Variants in FOXP1 observed in about 807,000 individuals in gnomAD.
FOXP1 encodes forkhead box protein P1.
FOXP1 carries 15 observed loss-of-function variants against 98.2 expected under a neutral mutation model. The observed-to-expected ratio is 0.15, with a 90% CI of 0.10 to 0.24. The LOEUF (loss-of-function observed/expected upper bound fraction) is 0.24, where lower values mean the gene tolerates loss of function less well. Among genes scored for constraint, FOXP1 ranks in the 10% least tolerant of loss-of-function variants. The pLI, the probability that FOXP1 is intolerant of heterozygous loss-of-function variation, is 1.00. For missense variants in FOXP1, 633 were observed against 848.5 expected, an observed-to-expected ratio of 0.75 and a Z score of 3.15; for synonymous variants, 371 against 314.5, an observed-to-expected ratio of 1.18 and a Z score of -1.90.
At chr3:71,441,958 C>T (rs760568748) in intron 3 of FOXP1, among the ~76,000 whole-genome samples, 5 of 152,170 alleles carry the variant, frequency 3.3e-5, no homozygotes, top group African/African-American at 7.2e-5. Flanking sequence ...CTCTGTTCTG[C>T]CTGATGTTAT....
At chr3:71,534,267 G>T (rs760596523) in intron 2 of FOXP1, among the ~76,000 whole-genome samples, 2 of 152,186 alleles carry the variant, frequency 1.3e-5, no homozygotes, top group Non-Finnish European at 1.5e-5. Flanking sequence ...GGAGGCCAAG[G>T]CAGGAGAATC....
At chr3:71,536,289 C>T (rs2044281259) in intron 2 of FOXP1, among the ~76,000 whole-genome samples, 1 of 152,150 alleles carries the variant, frequency 6.6e-6, no homozygotes, top group Non-Finnish European at 1.5e-5. Context: ...TCTGAACTCT[C>T]AATAATTTAC....
At chr3:71,261,870 C>T (rs997519498) in intron 5 of FOXP1, among the ~76,000 whole-genome samples, 1 of 152,236 alleles carries the variant, frequency 6.6e-6, no homozygotes, top group South Asian at 2.1e-4. Context: ...TAAGAGGGTA[C>T]ACAAGTTACT....
chr3:70,988,168 G>T, intron 13 of FOXP1, 91 bp from the exon 14 acceptor site: 2 of 1,072,248 alleles, frequency 1.9e-6, no homozygotes, highest in Non-Finnish European at 2.9e-6. Flanking sequence ...TTACGCTATG[G>T]CACCACAGCA....
At chr3:71,130,698 A>AT in intron 6 of FOXP1, 1 of 1,555,308 alleles carries the variant, frequency 6.4e-7, no homozygotes, top group Non-Finnish European at 8.7e-7. Context: ...CTTTGTAGGC[A>AT]ACCTCAGGGA....
intron 12 of FOXP1, among the ~76,000 whole-genome samples, chr3:71,004,326 T>C (rs537179169): frequency 6.6e-6 from 1 of 152,304 alleles, no homozygotes; most frequent in African/African-American, 2.4e-5. Flanking sequence ...GATTTTGCCT[T>C]ATTTAATCAC....
Position 71,359,401 on chromosome 3 carries a change from T to C in FOXP1, c.-167-157A>G, listed in dbSNP as rs993231667. ...CTAAGCATCTATTTTATCCTTTGCC[T>C]TCTAGAATCAGCATTTGACCTAGCT... On this transcript the variant is annotated intron_variant, in intron 3 of 20. Coordinates refer to ENST00000649528, the MANE Select transcript of FOXP1 (RefSeq NM_001349338.3). 2.6e-5 allele frequency among the ~76,000 whole-genome samples: 4 copies of C among 152,350 alleles called. No individual in the cohort carries two copies. The South Asian group carries it at 8.3e-4, about 32-fold the overall frequency.
chr3:71,168,433 C>T (rs933085178), intron 6 of FOXP1, among the ~76,000 whole-genome samples: 6 of 152,268 alleles, frequency 3.9e-5, no homozygotes, highest in African/African-American at 9.6e-5. Context: ...TGTGCCTTGT[C>T]GGTTCCCTTG....
intron 3 of FOXP1, among the ~76,000 whole-genome samples, chr3:71,436,001 T>A (rs1422672548): frequency 1.7e-5 from 2 of 120,454 alleles, no homozygotes; most frequent in African/African-American, 2.9e-5. Flanking sequence ...GGAGGGAGGA[T>A]AGAAGGAAGA....
intron 5 of FOXP1, among the ~76,000 whole-genome samples, chr3:71,199,044 C>A (rs940220051): frequency 2.0e-5 from 3 of 151,806 alleles, no homozygotes; most frequent in Non-Finnish European, 4.4e-5. Flanking sequence ...GCAAGTCATC[C>A]TATAGAGCAT....
rs146978035 is a variant in FOXP1 at position 71,174,819 on chromosome 3, C to T, written c.180+23383G>A. Among the ~76,000 whole-genome samples, 671 of 151,296 alleles carry T rather than the reference C, an allele frequency of 4.4e-3. 9 individuals carry two copies. Among genetic ancestry groups the T allele is most frequent in the African/African-American group, 0.016 (646 of 40,910 alleles). ...ACACACACACACACACACACACACACACACACACCCCAATATACCCCAGGG... is the reference window on the plus strand; with the variant it reads ...ACACACACACACACACACACACACATACACACACCCCAATATACCCCAGGG... On this transcript the variant is annotated intron_variant, in intron 6 of 20. Coordinates refer to ENST00000649528, the MANE Select transcript of FOXP1 (RefSeq NM_001349338.3).
chr3:71,482,809 G>A (rs1238682181), intron 3 of FOXP1, among the ~76,000 whole-genome samples: 20 of 151,496 alleles, frequency 1.3e-4, no homozygotes. Flanking sequence ...ACACTGGTTA[G>A]GAAGAGACTA....
intron 11 of FOXP1, among the ~76,000 whole-genome samples, chr3:71,033,228 C>T (rs759420971): frequency 9.9e-5 from 15 of 152,154 alleles, no homozygotes; most frequent in African/African-American, 3.1e-4. Context: ...TCAGCGGCAG[C>T]GGCGCATCAA....
chr3:71,116,653 T>A (rs1559962876), intron 6 of FOXP1, among the ~76,000 whole-genome samples: 1 of 152,228 alleles, frequency 6.6e-6, no homozygotes, highest in Non-Finnish European at 1.5e-5. Context: ...ATTTAAAAAT[T>A]GCCTTAGGTC....
intron 5 of FOXP1, among the ~76,000 whole-genome samples, chr3:71,228,820 C>A (rs1003329852): frequency 1.3e-5 from 2 of 152,138 alleles, no homozygotes; most frequent in African/African-American, 4.8e-5. Context: ...AAATAATATT[C>A]TTTATGGTAC....
intron 2 of FOXP1, among the ~76,000 whole-genome samples, chr3:71,534,629 G>C (rs1043882811): frequency 6.6e-6 from 1 of 152,224 alleles, no homozygotes; most frequent in Non-Finnish European, 1.5e-5. Context: ...TGAAAATGCA[G>C]ATCTTTGGCT....
intron 6 of FOXP1, among the ~76,000 whole-genome samples, chr3:71,126,421 AGAGCTTGCAGTGAGCCGAGAT>A (rs1364978095): frequency 6.6e-6 from 1 of 152,134 alleles, no homozygotes; most frequent in East Asian, 1.9e-4. Context: ...CCCGGAAGGC[AGAGCTTGCAGTGAGCCGAGAT>A]GACACTACTG....
Position 70,965,963 on chromosome 3 carries a change from G to A in FOXP1, c.1816C>T (p.Leu606=), listed in dbSNP as rs778939994. The change falls in exon 20 of 21, where the codon CTG becomes TTG. Residue 606 remains leucine (L), a synonymous_variant. Coordinates refer to ENST00000649528, the MANE Select transcript of FOXP1 (RefSeq NM_001349338.3). ...GNLASAIREE[L]NGAMEHTNSN... is the part of the protein sequence containing the mutation. The stretch of plus-strand genomic sequence containing the variant: ...TTGGTATGCTCCATTGCCCCGTTCA[G>A]CTCTTCCCGTATTGCGCTGGCTAAG... The A allele has an allele frequency of 2.5e-6, 4 of 1,614,122 alleles. No homozygotes were observed. Among genetic ancestry groups the A allele is most frequent in the South Asian group, 1.1e-5 (1 of 91,086 alleles).
At chr3:71,355,024 A>C (rs1449952593) in intron 4 of FOXP1, among the ~76,000 whole-genome samples, 1 of 152,180 alleles carries the variant, frequency 6.6e-6, no homozygotes, top group East Asian at 1.9e-4. Flanking sequence ...CTTCATGGGG[A>C]AGATAATGTA....
Sources: gnomAD v4.1 joint callset for allele counts (sites outside exome capture counted in the v4.1 genomes callset) on GRCh38, gnomAD v4.1.1 for gene constraint, MANE v1.5 for transcripts, NCBI Gene and HGNC (gene_info 2026-07-23, HGNC 2026-07-21) for gene names.